Variants in ZNF436 observed in about 807,000 individuals in gnomAD.
The protein encoded by ZNF436 is DNA-binding protein.
In ZNF436, 22 loss-of-function variants were observed where a neutral mutation model predicts 41.9. The observed-to-expected ratio is 0.53, with a 90% confidence interval of 0.38 to 0.75. The LOEUF (loss-of-function observed/expected upper bound fraction) is 0.75, where lower values mean the gene tolerates loss of function less well. Ranked by LOEUF, ZNF436 falls within the 30% of genes least tolerant of loss-of-function variation. The pLI is 0.00. For synonymous variants in ZNF436, 217 were observed against 197.8 expected, an observed-to-expected ratio of 1.10 and a Z score of -0.82; for missense variants, 506 against 587.3, an observed-to-expected ratio of 0.86 and a Z score of 1.43.
intron 3 of ZNF436, among the ~76,000 whole-genome samples, chr1:23,363,552 T>TC (rs749945897): frequency 9.9e-5 from 15 of 152,186 alleles, no homozygotes; most frequent in Non-Finnish European, 1.8e-4. Flanking sequence ...TTTATATTCT[T>TC]CGTCACATAT....
chr1:23,368,157 G>A (rs1275901331), intron 1 of ZNF436, 92 bp from the exon 2 acceptor site: 17 of 848,592 alleles, frequency 2.0e-5, no homozygotes, highest in Non-Finnish European at 3.0e-5. Flanking sequence ...CGGGCAGGGA[G>A]GGCCCTGGAC....
rs776354786 is a variant in ZNF436, at chr1:23,362,791, G to T, written c.591C>A (p.Asn197Lys). 1 of 1,613,912 alleles carries T rather than the reference G, an allele frequency of 6.2e-7. No homozygotes were observed. Among genetic ancestry groups the T allele is most frequent in the African/African-American group, 1.3e-5 (1 of 74,844 alleles). Reference protein sequence around the residue: ...THTGERPYDCNECGKSFGRSS... With the variant: ...THTGERPYDCKECGKSFGRSS... ...TTCTTCCAAAACTTTTCCCACACTC[G>T]TTACAGTCATAAGGCCTCTCCCCAG... is the stretch of plus-strand genomic sequence containing the variant. Residue 197 changes from asparagine to lysine, a missense_variant, in exon 4 of 4, where the codon AAC (asparagine) becomes AAA (lysine). Coordinates refer to ENST00000314011, the MANE Select transcript of ZNF436 (RefSeq NM_001077195.2).
chr1:23,363,290 T>TA, intron 3 of ZNF436, 69 bp from the exon 4 acceptor site: 2 of 1,352,736 alleles, frequency 1.5e-6, no homozygotes, highest in Non-Finnish European at 2.0e-6. Flanking sequence ...GGCACTATAC[T>TA]AAATTTTTTT....
At position 23,363,227 on chromosome 1, in the gene ZNF436, A is replaced by T. The variant is rs1638289028; in HGVS notation, c.161-6T>A. 6.2e-7 allele frequency: 1 copy of T among 1,605,358 alleles called. No individual in the cohort carries two copies. The highest frequency in any genetic ancestry group is 1.3e-5 in the African/African-American group (1 of 74,630). ...CTCACTCCTGATCTCAAAATCTGTA[A>T]TAAAAAGTAAACAATAAGACTAGTA... On this transcript the variant is annotated splice_region_variant and splice_polypyrimidine_tract_variant and intron_variant, in intron 3 of 3. Transcript: ENST00000314011.
chr1:23,368,985 C>G (rs1005026062), intron 1 of ZNF436: 1 of 157,306 alleles, frequency 6.4e-6, no homozygotes, highest in African/African-American at 2.4e-5. Flanking sequence ...GGAGTGCGGT[C>G]GGCAGTAGAG....
intron 3 of ZNF436, 115 bp from the exon 4 acceptor site, chr1:23,363,336 T>C (rs756865279): frequency 5.6e-5 from 45 of 797,750 alleles, no homozygotes; most frequent in Non-Finnish European, 8.7e-5. Context: ...TTGCCTTGGC[T>C]GGAGTGCAGT....
chr1:23,367,922 G>C (rs1474808496), intron 2 of ZNF436, 51 bp downstream of exon 2: 1 of 1,605,070 alleles, frequency 6.2e-7, no homozygotes, highest in Non-Finnish European at 8.5e-7. Flanking sequence ...GAGAAACGCC[G>C]GACGAGGTGG....
In ZNF436 at chr1:23,362,010, T is replaced by G; in HGVS notation, c.1372A>C (p.Ser458Arg). 3 of 1,613,302 alleles carry G rather than the reference T, an allele frequency of 1.9e-6. No homozygotes were observed. The highest frequency in any genetic ancestry group is 2.5e-6 in the Non-Finnish European group (3 of 1,179,624). Reference sequence around the variant, plus strand: ...CTCTTATGTTTAATAAGAGCTGAGCTCCTGCTGAAACTCTTCTCACATTCG... The same window carrying G: ...CTCTTATGTTTAATAAGAGCTGAGCGCCTGCTGAAACTCTTCTCACATTCG... ...CTECEKSFSRSSALIKHKRVH... is the reference protein window; with the variant it reads ...CTECEKSFSRRSALIKHKRVH... The change falls in exon 4 of 4, where the codon AGC becomes CGC. Residue 458 changes from serine (S) to arginine (R), a missense_variant. This residue lies in a region of ZNF436 where 278 missense variants were observed against 372.1 expected (regional missense o/e 0.75). Coordinates refer to ENST00000314011, the MANE Select transcript of ZNF436 (RefSeq NM_001077195.2).
rs755815629 is a variant in ZNF436, at chr1:23,369,600, G to C, written c.-295C>G. 1.9e-6 allele frequency: 1 copy of C among 530,692 alleles called. No individual in the cohort carries two copies. Among genetic ancestry groups the C allele is most frequent in the Non-Finnish European group, 3.9e-6 (1 of 256,792 alleles). The allele number at this position is 530,692 out of a possible 1,614,324, so 32.9% of individuals were successfully genotyped here. A position where few individuals can be genotyped will look rare whatever the true frequency, so the allele number is the denominator to read the frequency against. ...CTCAGATTCCCGAGGCCTCAGACTC[G>C]CAGGCAGCTCAGAAACCACAGGCTC... is the stretch of plus-strand genomic sequence containing the variant. On this transcript the variant is annotated 5_prime_UTR_variant, in exon 1 of 4. Transcript: ENST00000314011.
In ZNF436 at chr1:23,368,031, GGA is replaced by G. The variant is rs775281838; in HGVS notation, c.-28_-27del. The G allele has an allele frequency of 6.2e-6, 10 of 1,613,700 alleles. No homozygotes were observed. The highest frequency in any genetic ancestry group is 8.5e-6 in the Non-Finnish European group (10 of 1,179,892). ...CTCGAGCACAAGGGTTCGCCTCCAG[GGA>G]GAGAGAGCAGGAAAAGCAGCTAGCA... On this transcript the variant is annotated 5_prime_UTR_variant, in exon 2 of 4. Coordinates refer to ENST00000314011, the MANE Select transcript of ZNF436 (RefSeq NM_001077195.2).
At chr1:23,365,542 C>G (rs530237760) in intron 3 of ZNF436, among the ~76,000 whole-genome samples, 6 of 151,762 alleles carry the variant, frequency 4.0e-5, no homozygotes, top group Non-Finnish European at 2.9e-5. Context: ...GGTGAAACCC[C>G]GTCTCCACTA....
rs763276517 is a variant in ZNF436, at chr1:23,362,125, C to T, written c.1257G>A (p.Glu419=). 1 of 1,614,172 alleles carries T rather than the reference C, an allele frequency of 6.2e-7. No individual in the cohort carries two copies. The highest frequency in any genetic ancestry group is 1.7e-5 in the Admixed American group (1 of 60,036). ...QRTHTGEKPY[E]CVQCGKGFTQ... Reference sequence around the variant, plus strand: ...TGAAACCTTTCCCACACTGCACACACTCGTAGGGCTTCTCCCCTGTGTGGG... The same window carrying T: ...TGAAACCTTTCCCACACTGCACACATTCGTAGGGCTTCTCCCCTGTGTGGG... The change falls in exon 4 of 4, where the codon GAG becomes GAA. Residue 419 remains glutamate, a synonymous_variant. Transcript: ENST00000314011.
Position 23,369,652 on chromosome 1 carries a change from G to T in ZNF436, c.-347C>A. 2.0e-6 allele frequency: 1 copy of T among 491,872 alleles called. No individual in the cohort carries two copies. The highest frequency in any genetic ancestry group is 4.3e-6 in the Non-Finnish European group (1 of 232,644). The allele number at this position is 491,872 out of a possible 1,614,324, so 30.5% of individuals were successfully genotyped here. On this transcript the variant is annotated 5_prime_UTR_variant, in exon 1 of 4. Transcript: ENST00000314011. ...TAGGCAGATCCCTGAGACCACAGAG[G>T]CTGGCCGAGAAACCACCAGCAACTA...
chr1:23,367,030 A>C lies in ZNF436; in HGVS notation c.160+12T>G. On this transcript the variant is annotated intron_variant, in intron 3 of 3. Transcript: ENST00000314011. ...AAACGTGGAGGCAAAGAAAGGTAGA[A>C]TCCTTACTTACCTAGTGAGACAACA... The C allele has an allele frequency of 6.2e-7, 1 of 1,607,052 alleles. No homozygotes were observed. The highest frequency in any genetic ancestry group is 8.5e-7 in the Non-Finnish European group (1 of 1,177,576).
intron 2 of ZNF436, 91 bp downstream of exon 2, chr1:23,367,882 A>G: frequency 6.9e-7 from 1 of 1,447,134 alleles, no homozygotes; most frequent in Non-Finnish European, 9.7e-7. Context: ...TACTAATCCC[A>G]GGGAATTTCC....
Position 23,363,073 on chromosome 1 carries a change from T to G in ZNF436, c.309A>C (p.Glu103Asp). The G allele has an allele frequency of 6.2e-7, 1 of 1,614,202 alleles. No homozygotes were observed. The highest frequency in any genetic ancestry group is 8.5e-7 in the Non-Finnish European group (1 of 1,180,032). The change falls in exon 4 of 4, where the codon GAA (glutamate) becomes GAC (aspartate). Residue 103 changes from glutamate (E) to aspartate (D), a missense_variant. By Grantham distance (45) the Glu-to-Asp change is conservative. Transcript: ENST00000314011. ...EEGFESGDRS[E>D]RQWGDLTAEE... ...CTGCTGTTAAATCTCCCCATTGTCT[T>G]TCTGACCTATCTCCGCTTTCAAAGC...
At position 23,362,871 on chromosome 1, in the gene ZNF436, A is replaced by G. The variant is rs1638278270; in HGVS notation, c.511T>C (p.Cys171Arg). Residue 171 changes from cysteine (C) to arginine (R), a missense_variant, in exon 4 of 4, where the codon TGT (cysteine) becomes CGT (arginine). Physicochemically the swap from Cys to Arg is radical, Grantham distance 180. This residue lies in a region of ZNF436 where 228 missense variants were observed against 215.1 expected (regional missense o/e 1.06). Transcript: ENST00000314011. The part of the protein sequence containing the change: ...TGDRPYKCYE[C>R]GKGFSRSSHL... The stretch of plus-strand genomic sequence containing the variant: ...GAGCTGCGACTGAAGCCTTTTCCAC[A>G]TTCATAACATTTATAGGGTCTGTCT... 2 of 1,614,202 alleles carry G rather than the reference A, an allele frequency of 1.2e-6. No individual in the cohort carries two copies. Among genetic ancestry groups the G allele is most frequent in the Non-Finnish European group, 1.7e-6 (2 of 1,180,034 alleles).
At chr1:23,363,311 CAG>C (rs1205454984) in intron 3 of ZNF436, 90 bp from the exon 4 acceptor site, 36 of 1,005,800 alleles carry the variant, frequency 3.6e-5, no homozygotes, top group Non-Finnish European at 4.8e-5. Flanking sequence ...TTTTTTTAGA[CAG>C]AGTCTCACTG....
intron 3 of ZNF436, among the ~76,000 whole-genome samples, chr1:23,364,180 C>T (rs12127143): frequency 0.028 from 4,313 of 152,306 alleles, 120 homozygotes; most frequent in Middle Eastern, 0.068. Context: ...AAGCCTTCAT[C>T]ATTAGTAGCA....
Sources: gnomAD v4.1 joint callset for allele counts (sites outside exome capture counted in the v4.1 genomes callset) on GRCh38, gnomAD v4.1.1 for gene constraint, gnomAD v4.1.1 regional missense constraint, MANE v1.5 for transcripts, NCBI Gene and HGNC (gene_info 2026-07-23, HGNC 2026-07-21) for gene names.